Variants in JMJD1C observed in about 807,000 individuals in gnomAD.
JMJD1C encodes the protein jumonji domain-containing protein 1C.
JMJD1C carries 31 observed loss-of-function variants against 245.3 expected under a neutral mutation model. The observed-to-expected ratio is 0.13, with a 90% CI of 0.09 to 0.17. JMJD1C has a LOEUF of 0.17. Among genes scored for constraint, JMJD1C ranks in the 10% least tolerant of loss-of-function variants. The pLI is 1.00. For missense variants in JMJD1C, 2,691 were observed against 3,000.2 expected, an observed-to-expected ratio of 0.90 and a Z score of 2.41; for synonymous variants, 1,057 against 1,017.4, an observed-to-expected ratio of 1.04 and a Z score of -0.74.
At chr10:63,432,340 G>A (rs1188347990) in intron 1 of JMJD1C, among the ~76,000 whole-genome samples, 1 of 152,138 alleles carries the variant, frequency 6.6e-6, no homozygotes, top group African/African-American at 2.4e-5. Flanking sequence ...ACTATCCCTA[G>A]TGTCCTCCTT....
chr10:63,206,970 T>C lies in JMJD1C; in HGVS notation c.4699A>G (p.Lys1567Glu), dbSNP rs747402926. The C allele has an allele frequency of 6.2e-7, 1 of 1,611,672 alleles. No individual in the cohort carries two copies. Among genetic ancestry groups the C allele is most frequent in the Non-Finnish European group, 8.5e-7 (1 of 1,179,410 alleles). ...RHSEEDKNTN[K>E]MENSGNSVSE... Reference sequence around the variant, plus strand: ...ACAGAATTCCCTGAATTTTCCATTTTATTAGTATTTTTATCTTCTTCTGAG... The same window carrying C: ...ACAGAATTCCCTGAATTTTCCATTTCATTAGTATTTTTATCTTCTTCTGAG... The change falls in exon 10 of 26, where the codon AAA becomes GAA. Residue 1567 changes from lysine to glutamate, a missense_variant. Transcript: ENST00000399262.
chr10:63,459,883 G>C (rs1192378344), intron 1 of JMJD1C, among the ~76,000 whole-genome samples: 1 of 152,150 alleles, frequency 6.6e-6, no homozygotes, highest in African/African-American at 2.4e-5. Context: ...GTAGTATGTA[G>C]GATTCAGAAA....
At chr10:63,264,792 A>C (rs780053673) in intron 2 of JMJD1C, 28 bp from the exon 3 acceptor site, 1 of 1,054,028 alleles carries the variant, frequency 9.5e-7, no homozygotes, top group Non-Finnish European at 1.5e-6. Flanking sequence ...ATTTCTAATG[A>C]TAATTTTCTG....
At chr10:63,460,357 A>G (rs564171840) in intron 1 of JMJD1C, among the ~76,000 whole-genome samples, 1 of 152,254 alleles carries the variant, frequency 6.6e-6, no homozygotes, top group Admixed American at 6.5e-5. Context: ...TCTCTACAAA[A>G]AAAAATTTAA....
Position 63,440,164 on chromosome 10 carries a change from A to G in JMJD1C, c.168+25331T>C, listed in dbSNP as rs560200087. On this transcript the variant is annotated intron_variant, in intron 1 of 25. Coordinates refer to ENST00000399262, the MANE Select transcript of JMJD1C (RefSeq NM_032776.3). The stretch of plus-strand genomic sequence containing the variant: ...AGCCTGACCAACATAGTGAAACCCC[A>G]TCTCCACTAAAAATACAAAAATTAG... 3.9e-5 allele frequency among the ~76,000 whole-genome samples: 6 copies of G among 152,034 alleles called. No homozygotes were observed. In the South Asian group the frequency reaches 1.2e-3, roughly 32 times the overall value.
intron 3 of JMJD1C, among the ~76,000 whole-genome samples, chr10:63,254,104 C>T (rs1449798941): frequency 6.6e-6 from 1 of 152,042 alleles, no homozygotes; most frequent in Non-Finnish European, 1.5e-5. Flanking sequence ...AAGAGACTGA[C>T]AAGGGCTTCA....
chr10:63,405,994 A>G (rs907187769), intron 1 of JMJD1C, among the ~76,000 whole-genome samples: 3 of 152,230 alleles, frequency 2.0e-5, no homozygotes, highest in Admixed American at 2.0e-4. Context: ...ACTACATTTT[A>G]TAAGTAATAC....
chr10:63,240,554 A>C (rs1056296074), intron 3 of JMJD1C, among the ~76,000 whole-genome samples: 1 of 152,210 alleles, frequency 6.6e-6, no homozygotes, highest in African/African-American at 2.4e-5. Flanking sequence ...CAATAACTGA[A>C]GATATTATTG....
chr10:63,191,129 G>C, intron 16 of JMJD1C, 21 bp from the exon 17 acceptor site: 1 of 1,586,578 alleles, frequency 6.3e-7, no homozygotes, highest in South Asian at 1.1e-5. Flanking sequence ...AAATTTCACA[G>C]ATTTTGTTTT....
chr10:63,297,912 G>A (rs1179158991), intron 2 of JMJD1C, among the ~76,000 whole-genome samples: 1 of 152,234 alleles, frequency 6.6e-6, no homozygotes, highest in Non-Finnish European at 1.5e-5. Flanking sequence ...CCTCAAGCCA[G>A]GGCTGTGACA....
intron 24 of JMJD1C, among the ~76,000 whole-genome samples, chr10:63,175,052 CAT>C (rs1842758177): frequency 6.6e-6 from 1 of 152,144 alleles, no homozygotes; most frequent in African/African-American, 2.4e-5. Flanking sequence ...TAAAAACTGA[CAT>C]TGGATAAATT....
intron 2 of JMJD1C, among the ~76,000 whole-genome samples, chr10:63,324,102 A>G (rs556979840): frequency 6.6e-6 from 1 of 151,412 alleles, no homozygotes; most frequent in East Asian, 1.9e-4. Flanking sequence ...CAAATGGATA[A>G]GGGTGGTCCT....
intron 1 of JMJD1C, among the ~76,000 whole-genome samples, chr10:63,388,892 A>C (rs1947830016): frequency 6.6e-6 from 1 of 152,244 alleles, no homozygotes; most frequent in Non-Finnish European, 1.5e-5. Flanking sequence ...AGCTACAATT[A>C]AACAGTCAAA....
chr10:63,235,386 A>T (rs1326208450), intron 3 of JMJD1C, among the ~76,000 whole-genome samples: 1 of 152,114 alleles, frequency 6.6e-6, no homozygotes, highest in South Asian at 2.1e-4. Flanking sequence ...AATCCCAGCT[A>T]TCAGGGAGGA....
At chr10:63,394,348 C>G (rs1436386457) in intron 1 of JMJD1C, among the ~76,000 whole-genome samples, 1 of 152,024 alleles carries the variant, frequency 6.6e-6, no homozygotes, top group Non-Finnish European at 1.5e-5. Context: ...AATGGATAGT[C>G]TCTTCAACAA....
chr10:63,180,657 G>A (rs1443247595), intron 22 of JMJD1C, among the ~76,000 whole-genome samples: 1 of 152,036 alleles, frequency 6.6e-6, no homozygotes, highest in African/African-American at 2.4e-5. Context: ...GGATGGAGTA[G>A]AGTGGCACCA....
At chr10:63,467,010 A>T (rs952318795), upstream of JMJD1C, among the ~76,000 whole-genome samples, 8 of 49,182 alleles carry the variant, frequency 1.6e-4, no homozygotes, top group Non-Finnish European at 2.3e-4. Flanking sequence ...ACCTCTATTT[A>T]AAAAAAAAAA....
intron 3 of JMJD1C, among the ~76,000 whole-genome samples, chr10:63,255,862 T>TAATA (rs1277772231): frequency 2.0e-5 from 3 of 152,204 alleles, no homozygotes; most frequent in Non-Finnish European, 4.4e-5. Context: ...ATTACTATTA[T>TAATA]ACTGAGGAAT....
intron 3 of JMJD1C, among the ~76,000 whole-genome samples, chr10:63,260,099 A>C (rs1854502070): frequency 6.6e-6 from 1 of 152,202 alleles, no homozygotes; most frequent in South Asian, 2.1e-4. Flanking sequence ...ACCTTATTTT[A>C]GGGAAAACAC....
Sources: allele counts gnomAD v4.1 joint callset (sites outside exome capture counted in the v4.1 genomes callset), GRCh38; gene constraint gnomAD v4.1.1; transcripts MANE v1.5; gene names NCBI Gene and HGNC (gene_info 2026-07-23, HGNC 2026-07-21).